Variants in DNAJC11 observed in about 807,000 individuals in gnomAD.
DNAJC11 encodes DnaJ heat shock protein family (Hsp40) member C11.
DNAJC11 carries 15 observed loss-of-function variants against 78.6 expected under a neutral mutation model. That is an observed-to-expected ratio of 0.19 (90% CI 0.13 to 0.29). The LOEUF is 0.29. Among genes scored for constraint, DNAJC11 ranks in the 10% least tolerant of loss-of-function variants. DNAJC11 has a pLI of 1.00. For synonymous variants in DNAJC11, 292 were observed against 272.1 expected, an observed-to-expected ratio of 1.07 and a Z score of -0.72; for missense variants, 547 against 709.6, an observed-to-expected ratio of 0.77 and a Z score of 2.60.
intron 15 of DNAJC11, 141 bp downstream of exon 15, chr1:6,635,976 T>C (rs1190976056): frequency 1.6e-6 from 2 of 1,269,128 alleles, no homozygotes; most frequent in South Asian, 1.5e-5. Flanking sequence ...GAGTGAATCA[T>C]GGGTCAAGGG....
intron 2 of DNAJC11, among the ~76,000 whole-genome samples, chr1:6,679,946 C>T (rs1248853398): frequency 1.3e-5 from 2 of 152,218 alleles, no homozygotes; most frequent in Non-Finnish European, 2.9e-5. Context: ...AATGACACTA[C>T]ACCGACTGTA....
At chr1:6,665,815 A>G (rs1022849729) in intron 4 of DNAJC11, among the ~76,000 whole-genome samples, 5 of 152,108 alleles carry the variant, frequency 3.3e-5, no homozygotes, top group Non-Finnish European at 7.4e-5. Flanking sequence ...AGAACATCAA[A>G]AACACCAAAG....
chr1:6,661,964 C>T (rs1490498163), intron 4 of DNAJC11, among the ~76,000 whole-genome samples: 1 of 152,132 alleles, frequency 6.6e-6, no homozygotes, highest in Non-Finnish European at 1.5e-5. Flanking sequence ...TGGGGTCTCT[C>T]TCTGTCACCC....
At chr1:6,675,850 A>T (rs150279095) in intron 3 of DNAJC11, among the ~76,000 whole-genome samples, 67 of 152,280 alleles carry the variant, frequency 4.4e-4, no homozygotes, top group African/African-American at 1.5e-3. Flanking sequence ...ACTGATTGGG[A>T]TAATGCTGCT....
At chr1:6,699,870 C>G (rs1035056276) in intron 1 of DNAJC11, among the ~76,000 whole-genome samples, 16 of 152,230 alleles carry the variant, frequency 1.1e-4, no homozygotes, top group Middle Eastern at 3.2e-3. Context: ...AGATATTTCA[C>G]TGGACATTCT....
intron 1 of DNAJC11, among the ~76,000 whole-genome samples, chr1:6,685,476 TAGTC>T (rs1402014690): frequency 6.6e-6 from 1 of 152,172 alleles, no homozygotes; most frequent in Non-Finnish European, 1.5e-5. Context: ...AAATTTAAAA[TAGTC>T]AGGTGGCCTT....
intron 7 of DNAJC11, chr1:6,650,928 T>G: frequency 2.6e-6 from 1 of 390,602 alleles, no homozygotes; most frequent in Non-Finnish European, 5.3e-6. Flanking sequence ...TAGGACTCCT[T>G]CAGCTATATC....
At chr1:6,644,813 A>G in intron 9 of DNAJC11, 139 bp from the exon 10 acceptor site, 1 of 824,632 alleles carries the variant, frequency 1.2e-6, no homozygotes, top group Non-Finnish European at 2.0e-6. Flanking sequence ...TCATGACAGA[A>G]GAAAGTTGGG....
intron 10 of DNAJC11, among the ~76,000 whole-genome samples, chr1:6,643,713 G>A (rs1377469666): frequency 2.6e-5 from 4 of 152,124 alleles, no homozygotes; most frequent in Non-Finnish European, 4.4e-5. Flanking sequence ...TGCTGTGCCC[G>A]GGGGATAGCT....
intron 10 of DNAJC11, among the ~76,000 whole-genome samples, chr1:6,643,399 C>T (rs1283453193): frequency 6.6e-6 from 1 of 151,846 alleles, no homozygotes; most frequent in African/African-American, 2.4e-5. Context: ...CCTCAGCCTC[C>T]CAAGTAGCAG....
Position 6,654,042 on chromosome 1 carries a change from G to C in DNAJC11, c.379-3C>G. The C allele has an allele frequency of 6.2e-7, 1 of 1,611,892 alleles. No individual in the cohort carries two copies. The highest frequency in any genetic ancestry group is 8.5e-7 in the Non-Finnish European group (1 of 1,178,366). ...TCTACTCCAACGCTGATCGTTCCCT[G>C]GGGCAGAAAAACAAGCCGTCAGCAG... is the stretch of plus-strand genomic sequence containing the variant. On this transcript the variant is annotated splice_polypyrimidine_tract_variant and splice_region_variant and intron_variant, in intron 4 of 15. Transcript: ENST00000377577.
intron 4 of DNAJC11, chr1:6,654,383 C>T (rs1487304234): frequency 5.9e-6 from 1 of 170,622 alleles, no homozygotes; most frequent in Non-Finnish European, 1.3e-5. Flanking sequence ...CCCAAGAATG[C>T]ACAAAACCAC....
In DNAJC11 at chr1:6,680,078, T is replaced by C. The variant is rs573003300; in HGVS notation, c.202+830A>G. Among the ~76,000 whole-genome samples, 1 of 152,262 alleles carries C rather than the reference T, an allele frequency of 6.6e-6. No homozygotes were observed. ...ATACAGTGAGATGACTTTATGATTT[T>C]ATAAAGAAACATATTATCTAATTTT... On this transcript the variant is annotated intron_variant, in intron 2 of 15. Coordinates refer to ENST00000377577, the MANE Select transcript of DNAJC11 (RefSeq NM_018198.4). This position sits in a 1 kb window ranked among gnomAD's most constrained non-coding sequence, Gnocchi z 4.0.
chr1:6,681,536 A>G (rs1047362462), intron 1 of DNAJC11, among the ~76,000 whole-genome samples: 8 of 152,376 alleles, frequency 5.3e-5, no homozygotes, highest in Admixed American at 2.0e-4. Context: ...TAATTCCAGA[A>G]GGCAGCACAT....
chr1:6,698,908 A>T (rs1323026635), intron 1 of DNAJC11, among the ~76,000 whole-genome samples: 1 of 150,062 alleles, frequency 6.7e-6, no homozygotes, highest in Non-Finnish European at 1.5e-5. Flanking sequence ...GCACCACTGC[A>T]CTCCAGCCTG....
intron 4 of DNAJC11, among the ~76,000 whole-genome samples, chr1:6,659,969 T>C (rs1642183753): frequency 6.7e-6 from 1 of 149,974 alleles, no homozygotes; most frequent in South Asian, 2.1e-4. Context: ...GGCAGGAGAA[T>C]GGCATGAACC....
chr1:6,637,722 C>G (rs550621916), intron 12 of DNAJC11: 240 of 605,306 alleles, frequency 4.0e-4, no homozygotes, highest in Non-Finnish European at 6.4e-4. Context: ...TGAGAAGCAC[C>G]TGAAACGGCA....
chr1:6,637,107 T>C (rs1641791416), intron 14 of DNAJC11, 91 bp downstream of exon 14: 1 of 1,544,022 alleles, frequency 6.5e-7, no homozygotes, highest in Non-Finnish European at 8.8e-7. Context: ...ACCTTGGCCT[T>C]CCAAAGTGCT....
At chr1:6,639,362 C>T (rs776591378) in intron 11 of DNAJC11, among the ~76,000 whole-genome samples, 5 of 146,548 alleles carry the variant, frequency 3.4e-5, no homozygotes, top group Admixed American at 1.4e-4. Flanking sequence ...CCGAGTCTTG[C>T]TCTGTCACCC....
Sources: gnomAD v4.1 joint callset for allele counts (sites outside exome capture counted in the v4.1 genomes callset) on GRCh38, gnomAD v4.1.1 for gene constraint, Gnocchi (gnomAD v3.1) non-coding constraint, MANE v1.5 for transcripts, NCBI Gene and HGNC (gene_info 2026-07-23, HGNC 2026-07-21) for gene names.